Variants in SUSD6 observed in about 807,000 individuals in gnomAD.
SUSD6 encodes sushi domain-containing protein 6.
Under a neutral mutation model 28.4 loss-of-function variants are expected in SUSD6, and 16 were observed. The observed-to-expected ratio is 0.56, with a 90% CI of 0.38 to 0.86. The LOEUF is 0.86. Among genes scored for constraint, SUSD6 ranks in the 40% least tolerant of loss-of-function variants. SUSD6 has a pLI of 0.00. For synonymous variants in SUSD6, 147 were observed against 159.6 expected, an observed-to-expected ratio of 0.92 and a Z score of 0.59; for missense variants, 341 against 384.2, an observed-to-expected ratio of 0.89 and a Z score of 0.94.
chr14:69,612,305 G>T (rs990658900), intron 1 of SUSD6, among the ~76,000 whole-genome samples: 26 of 152,146 alleles, frequency 1.7e-4, no homozygotes, highest in Non-Finnish European at 3.7e-4. Flanking sequence ...GATTTCCTGA[G>T]GAAATCTCAG....
At chr14:69,612,184 C>G (rs1320767732) in intron 1 of SUSD6, among the ~76,000 whole-genome samples, 4 of 152,042 alleles carry the variant, frequency 2.6e-5, no homozygotes, top group Non-Finnish European at 5.9e-5. Flanking sequence ...GACGCCGTGC[C>G]GATGGGTGCA....
At chr14:69,640,073 G>A (rs151246032) in intron 1 of SUSD6, among the ~76,000 whole-genome samples, 1 of 147,762 alleles carries the variant, frequency 6.8e-6, no homozygotes, top group South Asian at 2.2e-4. Context: ...ATAGTTTAGT[G>A]GGGGAGGGAG....
At chr14:69,681,251 C>G (rs1285965202) in intron 2 of SUSD6, among the ~76,000 whole-genome samples, 1 of 152,104 alleles carries the variant, frequency 6.6e-6, no homozygotes, top group Non-Finnish European at 1.5e-5. Context: ...ACATGAAATA[C>G]GTGTATGCAT....
At position 69,711,353 on chromosome 14, in the gene SUSD6, C is replaced by CCTTTCCCCCACCCTGTCCAG; in HGVS notation, c.*375_*394dup. 3 of 287,044 alleles carry CCTTTCCCCCACCCTGTCCAG rather than the reference C, an allele frequency of 1.0e-5. No individual in the cohort carries two copies. Among genetic ancestry groups the CCTTTCCCCCACCCTGTCCAG allele is most frequent in the Non-Finnish European group, 2.0e-5 (3 of 149,250 alleles). The allele number at this position is 287,044 out of a possible 1,614,324, so 17.8% of individuals were successfully genotyped here. A position where few individuals can be genotyped will look rare whatever the true frequency, so the allele number is the denominator to read the frequency against. On this transcript the variant is annotated 3_prime_UTR_variant, in exon 6 of 6. Transcript: ENST00000342745. ...CTGAGTGCTGCTGTGTTTACTTGTG[C>CCTTTCCCCCACCCTGTCCAG]CTTTCCCCCACCCTGTCCAGTTTCC...
intron 2 of SUSD6, among the ~76,000 whole-genome samples, chr14:69,688,375 C>G (rs910651976): frequency 1.3e-5 from 2 of 152,154 alleles, no homozygotes; most frequent in Non-Finnish European, 2.9e-5. Context: ...TGAGCCTGGA[C>G]GTGAGAGCTC....
chr14:69,666,814 G>GTT (rs140339215), intron 2 of SUSD6, among the ~76,000 whole-genome samples: 1 of 150,254 alleles, frequency 6.7e-6, no homozygotes, highest in Non-Finnish European at 1.5e-5. Flanking sequence ...TCTTGGCCAA[G>GTT]TTTTTTTTTT....
At chr14:69,623,279 G>T (rs1885067956) in intron 1 of SUSD6, among the ~76,000 whole-genome samples, 1 of 152,116 alleles carries the variant, frequency 6.6e-6, no homozygotes, top group Non-Finnish European at 1.5e-5. Flanking sequence ...ATAACATTTT[G>T]CTGCATATAT....
intron 1 of SUSD6, among the ~76,000 whole-genome samples, chr14:69,643,207 T>A (rs1413458853): frequency 6.6e-6 from 1 of 152,142 alleles, no homozygotes; most frequent in African/African-American, 2.4e-5. Flanking sequence ...ATAAGTTGAG[T>A]CCCCATTATT....
At chr14:69,633,499 G>A (rs1476764463) in intron 1 of SUSD6, among the ~76,000 whole-genome samples, 1 of 152,178 alleles carries the variant, frequency 6.6e-6, no homozygotes. Flanking sequence ...TACTTATTCA[G>A]CCCTCAAAGC....
chr14:69,631,950 G>A lies in SUSD6; in HGVS notation c.-81+20122G>A, dbSNP rs185353590. Reference sequence around the variant, plus strand: ...GGAGGGAAGTACTTGTTTAGAATATGGCAGAGAATCCACCAAGGTGTTAAT... The same window carrying A: ...GGAGGGAAGTACTTGTTTAGAATATAGCAGAGAATCCACCAAGGTGTTAAT... On this transcript the variant is annotated intron_variant, in intron 1 of 5. Coordinates refer to ENST00000342745, the MANE Select transcript of SUSD6 (RefSeq NM_014734.4). Among the ~76,000 whole-genome samples, 647 of 152,250 alleles carry A rather than the reference G, an allele frequency of 4.2e-3. 1 individual carries two copies. Among genetic ancestry groups the A allele is most frequent in the Middle Eastern group, 0.014 (4 of 294 alleles).
At chr14:69,680,809 A>G (rs901576873) in intron 2 of SUSD6, among the ~76,000 whole-genome samples, 4 of 152,152 alleles carry the variant, frequency 2.6e-5, no homozygotes, top group African/African-American at 9.7e-5. Flanking sequence ...CTCAGACCCT[A>G]CAAAACTCAA....
intron 2 of SUSD6, among the ~76,000 whole-genome samples, chr14:69,689,506 C>T (rs570146871): frequency 6.6e-6 from 1 of 152,180 alleles, no homozygotes; most frequent in East Asian, 1.9e-4. Flanking sequence ...CCCAAAGAGA[C>T]TGAAGTCTCC....
Position 69,664,299 on chromosome 14 carries a change from C to G in SUSD6, c.121+5586C>G, listed in dbSNP as rs1007323773. Among the ~76,000 whole-genome samples, 81 of 152,224 alleles carry G rather than the reference C, an allele frequency of 5.3e-4. 1 individual carries two copies. Among genetic ancestry groups the G allele is most frequent in the African/African-American group, 1.9e-3 (79 of 41,546 alleles). ...CTGGCCCTCTGTGGTTGTTTCTGTT[C>G]TCATCTACAGTGGCTCTTGGTTGTT... On this transcript the variant is annotated intron_variant, in intron 2 of 5. Transcript: ENST00000342745.
intron 2 of SUSD6, among the ~76,000 whole-genome samples, chr14:69,684,381 ATCTAG>A (rs1886041521): frequency 6.6e-6 from 1 of 152,246 alleles, no homozygotes; most frequent in Non-Finnish European, 1.5e-5. Flanking sequence ...TAGAATATGT[ATCTAG>A]CAGTCACTCT....
chr14:69,659,547 T>C (rs961804290), intron 2 of SUSD6, among the ~76,000 whole-genome samples: 1 of 152,178 alleles, frequency 6.6e-6, no homozygotes, highest in Non-Finnish European at 1.5e-5. Flanking sequence ...TCAGAGAGTC[T>C]CACCCTGTTG....
rs1054721689 is a variant in SUSD6 at position 69,711,322 on chromosome 14, G to A, written c.*343G>A. On this transcript the variant is annotated 3_prime_UTR_variant, in exon 6 of 6. Coordinates refer to ENST00000342745, the MANE Select transcript of SUSD6 (RefSeq NM_014734.4). ...TTGGCGGCAGCCCCCACCAGCTCCT[G>A]TGGGCCTGAGTGCTGCTGTGTTTAC... The A allele has an allele frequency of 2.7e-6, 1 of 373,944 alleles. No individual in the cohort carries two copies. The highest frequency in any genetic ancestry group is 3.0e-5 in the South Asian group (1 of 32,940). The allele number at this position is 373,944 out of a possible 1,614,324, so 23.2% of individuals were successfully genotyped here.
chr14:69,651,366 G>A lies in SUSD6; in HGVS notation c.-80-7147G>A, dbSNP rs533314800. Among the ~76,000 whole-genome samples the A allele has an allele frequency of 2.6e-5, 4 of 152,210 alleles. No individual in the cohort carries two copies. The South Asian group carries it at 8.3e-4, about 32-fold the overall frequency. On this transcript the variant is annotated intron_variant, in intron 1 of 5. Transcript: ENST00000342745. ...CTGGGGGTGGAAGACAAGGGCGCAG[G>A]GAATATCAAAGCAATTCAAAAAAAC...
At chr14:69,629,395 C>T (rs1488808554) in intron 1 of SUSD6, among the ~76,000 whole-genome samples, 1 of 152,144 alleles carries the variant, frequency 6.6e-6, no homozygotes, top group African/African-American at 2.4e-5. Flanking sequence ...GGCCTGTACT[C>T]TACTGAAAGG....
intron 1 of SUSD6, among the ~76,000 whole-genome samples, chr14:69,613,502 T>C (rs1317149334): frequency 3.3e-5 from 5 of 152,252 alleles, no homozygotes; most frequent in Non-Finnish European, 1.5e-5. Flanking sequence ...ATAAGATTCA[T>C]TTGTTCATTC....
Sources: allele counts gnomAD v4.1 joint callset (sites outside exome capture counted in the v4.1 genomes callset), GRCh38; gene constraint gnomAD v4.1.1; transcripts MANE v1.5; gene names NCBI Gene and HGNC (gene_info 2026-07-23, HGNC 2026-07-21).